The following RMST variants were observed in gnomAD, a reference collection of about 807,000 sequenced individuals.
The protein encoded by RMST is long intergenic non-protein coding RNA 54.
chr12:97,487,134 A>T (rs879389153), intron 5 of RMST, among the ~76,000 whole-genome samples: 3 of 152,220 alleles, frequency 2.0e-5, no homozygotes, highest in Non-Finnish European at 4.4e-5. Context: ...TAAGTTTTGC[A>T]TTTGGAACAT....
chr12:97,489,756 TATA>T (rs930352032), intron 5 of RMST, among the ~76,000 whole-genome samples: 3 of 152,242 alleles, frequency 2.0e-5, no homozygotes, highest in Non-Finnish European at 4.4e-5. Flanking sequence ...ATAAACTAAA[TATA>T]ATAATAACAA....
chr12:97,474,315 G>A (rs903663226), intron 5 of RMST, among the ~76,000 whole-genome samples: 1 of 152,074 alleles, frequency 6.6e-6, no homozygotes, highest in Admixed American at 6.6e-5. Flanking sequence ...TGATAGCAGA[G>A]GTGCTGCACA....
chr12:97,499,475 G>A (rs937347908), intron 10 of RMST, among the ~76,000 whole-genome samples: 14 of 152,124 alleles, frequency 9.2e-5, no homozygotes, highest in Admixed American at 2.0e-4. Context: ...CACTAGCAAT[G>A]TATGCTTAGA....
chr12:97,543,260 C>G (rs1882689278), intron 11 of RMST, among the ~76,000 whole-genome samples: 1 of 151,988 alleles, frequency 6.6e-6, no homozygotes, highest in Non-Finnish European at 1.5e-5. Flanking sequence ...GGGCCCGCAC[C>G]AAGCCTTTTT....
intron 5 of RMST, among the ~76,000 whole-genome samples, chr12:97,473,099 C>T (rs1442643566): frequency 1.3e-5 from 2 of 152,038 alleles, no homozygotes; most frequent in Admixed American, 1.3e-4. Flanking sequence ...TATTTCTGCA[C>T]AGGTAGGAAG....
chr12:97,507,750 A>G (rs1418547561), intron 10 of RMST, among the ~76,000 whole-genome samples: 1 of 152,262 alleles, frequency 6.6e-6, no homozygotes, highest in East Asian at 1.9e-4. Flanking sequence ...GTCTTGAGAC[A>G]GATGAGTGTT....
intron 5 of RMST, among the ~76,000 whole-genome samples, chr12:97,485,233 C>T (rs1252377726): frequency 1.3e-5 from 2 of 152,108 alleles, no homozygotes; most frequent in East Asian, 1.9e-4. Context: ...ATCCATTTCT[C>T]TAGTAAATTA....
intron 11 of RMST, among the ~76,000 whole-genome samples, chr12:97,545,039 A>G (rs1470259166): frequency 6.6e-6 from 1 of 152,140 alleles, no homozygotes; most frequent in Non-Finnish European, 1.5e-5. Context: ...CATTTTTCAC[A>G]AGACCTTTTG....
chr12:97,563,469 A>G, intron 13 of RMST: 1 of 250,382 alleles, frequency 4.0e-6, no homozygotes, highest in South Asian at 4.3e-5. Flanking sequence ...CTCTGGTTTC[A>G]GTTTGCATCA....
chr12:97,512,859 G>C (rs1879534722), intron 10 of RMST, among the ~76,000 whole-genome samples: 1 of 152,194 alleles, frequency 6.6e-6, no homozygotes, highest in Non-Finnish European at 1.5e-5. Flanking sequence ...GGAGGCTCCG[G>C]GCTGCACAGG....
At chr12:97,492,899 G>C (rs564965344) in intron 6 of RMST, 1 of 152,156 alleles carries the variant, frequency 6.6e-6, no homozygotes, top group East Asian at 1.9e-4. Flanking sequence ...ATTGAACTCA[G>C]ATAGGCTTTA....
At chr12:97,556,796 G>A (rs1173618261) in intron 11 of RMST, among the ~76,000 whole-genome samples, 2 of 151,734 alleles carry the variant, frequency 1.3e-5, no homozygotes, top group African/African-American at 4.9e-5. Flanking sequence ...GCATTTTCTT[G>A]TACACTAATT....
At chr12:97,507,792 G>C (rs1191677334) in intron 10 of RMST, among the ~76,000 whole-genome samples, 3 of 152,184 alleles carry the variant, frequency 2.0e-5, no homozygotes, top group Admixed American at 6.5e-5. Context: ...TGAGGCTGTA[G>C]AACCTCTTTT....
At chr12:97,466,798 A>G (rs940082496) in intron 5 of RMST, among the ~76,000 whole-genome samples, 3 of 152,116 alleles carry the variant, frequency 2.0e-5, no homozygotes, top group Non-Finnish European at 4.4e-5. Flanking sequence ...TTGTATAGAA[A>G]TCATTTTATC....
chr12:97,504,082 A>T (rs866736252), intron 10 of RMST, among the ~76,000 whole-genome samples: 2 of 152,070 alleles, frequency 1.3e-5, no homozygotes, highest in Admixed American at 1.3e-4. Context: ...TTTAGTAGAG[A>T]TGTGTTTTCA....
chr12:97,558,619 A>G (rs1883879836), intron 11 of RMST, among the ~76,000 whole-genome samples: 1 of 152,160 alleles, frequency 6.6e-6, no homozygotes, highest in Non-Finnish European at 1.5e-5. Flanking sequence ...TCCCTCACAC[A>G]TCAGTATTAC....
intron 5 of RMST, among the ~76,000 whole-genome samples, chr12:97,471,641 G>C (rs988825338): frequency 1.3e-5 from 2 of 152,104 alleles, no homozygotes; most frequent in African/African-American, 4.8e-5. Flanking sequence ...ATTTCATTTT[G>C]ACACTAATTT....
At chr12:97,544,653 C>T (rs1448386221) in intron 11 of RMST, among the ~76,000 whole-genome samples, 1 of 152,020 alleles carries the variant, frequency 6.6e-6, no homozygotes. Flanking sequence ...GAAACCTTTC[C>T]TATTGTCCTG....
chr12:97,521,558 A>G (rs932270816), intron 10 of RMST, among the ~76,000 whole-genome samples: 1 of 152,198 alleles, frequency 6.6e-6, no homozygotes, highest in Non-Finnish European at 1.5e-5. Flanking sequence ...TCATAACTCT[A>G]TAATACTGCT....
Sources: allele counts gnomAD v4.1 joint callset (sites outside exome capture counted in the v4.1 genomes callset), GRCh38; gene constraint gnomAD v4.1.1; transcripts MANE v1.5; gene names NCBI Gene and HGNC (gene_info 2026-07-23, HGNC 2026-07-21).